PRCP: variants seen among roughly 807,000 people sequenced by gnomAD.
PRCP encodes the protein prolylcarboxypeptidase.
A neutral mutation model predicts 54.2 loss-of-function variants in PRCP; 46 were observed. The observed-to-expected ratio is 0.85, with a 90% CI of 0.67 to 1.09. The LOEUF is 1.09. Ranked by LOEUF, PRCP falls within the 50% of genes least tolerant of loss-of-function variation. The probability of loss-of-function intolerance (pLI) is 0.00; values close to 1 mark genes in which losing one functional copy is unlikely to be tolerated. For synonymous variants in PRCP, 240 were observed against 212.2 expected, an observed-to-expected ratio of 1.13 and a Z score of -1.14; for missense variants, 613 against 596.8, an observed-to-expected ratio of 1.03 and a Z score of -0.28.
At chr11:82,900,626 G>T (rs745939484), upstream of PRCP, 2 of 691,742 alleles carry the variant, frequency 2.9e-6, no homozygotes, top group Non-Finnish European at 5.3e-6. Flanking sequence ...CTTTCCTCTC[G>T]TGCCATCTGC....
intron 1 of PRCP, among the ~76,000 whole-genome samples, chr11:82,882,341 A>AAT (rs1442815170): frequency 6.6e-6 from 1 of 152,212 alleles, no homozygotes; most frequent in Admixed American, 6.5e-5. Context: ...AGTGTTATGT[A>AAT]ATAACATTAA....
upstream of PRCP, chr11:82,901,087 C>T (rs376753443): frequency 2.8e-6 from 1 of 362,882 alleles, no homozygotes; most frequent in Non-Finnish European, 5.4e-6. Flanking sequence ...CGTCGCAGAC[C>T]GCTGGGTCCA....
At chr11:82,839,579 C>G in intron 6 of PRCP, 154 bp from the exon 7 acceptor site, 1 of 799,066 alleles carries the variant, frequency 1.3e-6, no homozygotes. Flanking sequence ...GGTTTAATCC[C>G]CTCCATAAAT....
In PRCP at chr11:82,823,841, A is replaced by G. The variant is rs1236252864; in HGVS notation, c.*1065T>C. 3 of 152,226 alleles carry G rather than the reference A, an allele frequency of 2.0e-5. No individual in the cohort carries two copies. Among genetic ancestry groups the G allele is most frequent in the African/African-American group, 7.2e-5 (3 of 41,462 alleles). 9.4% of individuals were successfully genotyped at this position (152,226 alleles called of 1,614,324 possible). On this transcript the variant is annotated 3_prime_UTR_variant, in exon 9 of 9. Coordinates refer to ENST00000313010, the MANE Select transcript of PRCP (RefSeq NM_005040.4). Reference sequence around the variant, plus strand: ...CCTTGGAAATAGGAATGGCTTGGCCATTTATTAATGTCAAATATGCTGCCT... The same window carrying G: ...CCTTGGAAATAGGAATGGCTTGGCCGTTTATTAATGTCAAATATGCTGCCT...
intron 1 of PRCP, among the ~76,000 whole-genome samples, chr11:82,897,000 G>T (rs116010894): frequency 7.0e-4 from 106 of 152,220 alleles, no homozygotes; most frequent in African/African-American, 2.5e-3. Flanking sequence ...TGTGATTTGG[G>T]ACTCACATTC....
chr11:82,872,492 A>G (rs1468068546), intron 1 of PRCP, among the ~76,000 whole-genome samples: 1 of 152,218 alleles, frequency 6.6e-6, no homozygotes, highest in Non-Finnish European at 1.5e-5. Context: ...CACAGAGAGA[A>G]GAATGCCATG....
chr11:82,850,389 T>C lies in PRCP; in HGVS notation c.528A>G (p.Ile176Met). 4 of 1,601,362 alleles carry C rather than the reference T, an allele frequency of 2.5e-6. No homozygotes were observed. Among genetic ancestry groups the C allele is most frequent in the Non-Finnish European group, 3.4e-6 (4 of 1,173,134 alleles). The change falls in exon 4 of 9, where the codon ATA becomes ATG. Residue 176 changes from isoleucine to methionine, a missense_variant. Physicochemically the swap from Ile to Met is conservative, Grantham distance 10. Coordinates refer to ENST00000313010, the MANE Select transcript of PRCP (RefSeq NM_005040.4). Reference sequence around the variant, plus strand: ...CAAGCATGCCACCATAGGAGCCTCCTATGGCAATGACAGGTTGATTTTCAG... The same window carrying C: ...CAAGCATGCCACCATAGGAGCCTCCCATGGCAATGACAGGTTGATTTTCAG... ...PGAENQPVIA[I>M]GGSYGGMLAA... is the part of the protein sequence containing the mutation.
intron 1 of PRCP, among the ~76,000 whole-genome samples, chr11:82,863,444 C>G (rs913357301): frequency 6.6e-6 from 1 of 152,124 alleles, no homozygotes; most frequent in Non-Finnish European, 1.5e-5. Flanking sequence ...CAGGTTTCAA[C>G]AAGGGAGGAA....
At chr11:82,858,107 T>C (rs1859132008) in intron 2 of PRCP, among the ~76,000 whole-genome samples, 1 of 152,228 alleles carries the variant, frequency 6.6e-6, no homozygotes, top group Non-Finnish European at 1.5e-5. Flanking sequence ...ATAAGTGATG[T>C]ATTTCAGGAG....
chr11:82,888,435 A>T (rs1055056166), intron 1 of PRCP, among the ~76,000 whole-genome samples: 11 of 152,240 alleles, frequency 7.2e-5, no homozygotes, highest in African/African-American at 2.7e-4. Context: ...TCCACTTGCA[A>T]ATGAAAAACC....
At position 82,825,113 on chromosome 11, in the gene PRCP, T is replaced by C. The variant is rs1244177011; in HGVS notation, c.1284A>G (p.Glu428=). 3 of 1,613,476 alleles carry C rather than the reference T, an allele frequency of 1.9e-6. No individual in the cohort carries two copies. The highest frequency in any genetic ancestry group is 2.2e-5 in the South Asian group (2 of 90,960). ...CTCCACCTCCTGACCAGGGGTCTAG[T>C]TCACCATTGCTGCAAGTGAAAAAAA... is the stretch of plus-strand genomic sequence containing the variant. ...SHTNIVFSNG[E]LDPWSGGGVT... Residue 428 remains glutamate (E), a synonymous_variant, in exon 9 of 9, where the codon GAA becomes GAG. Coordinates refer to ENST00000313010, the MANE Select transcript of PRCP (RefSeq NM_005040.4).
At chr11:82,841,571 T>A (rs1286540553) in intron 6 of PRCP, among the ~76,000 whole-genome samples, 1 of 152,216 alleles carries the variant, frequency 6.6e-6, no homozygotes. Context: ...TTTTCAGAAC[T>A]GCTGAATGTG....
At position 82,823,995 on chromosome 11, in the gene PRCP, T is replaced by G. The variant is rs113221808; in HGVS notation, c.*911A>C. ...TATCAGAAAATAAAATTTTAAAAAT[T>G]TAAAAGCTGAATATTACTATATTCT... On this transcript the variant is annotated 3_prime_UTR_variant, in exon 9 of 9. Transcript: ENST00000313010. 6.6e-6 allele frequency: 1 copy of G among 152,220 alleles called. No individual in the cohort carries two copies. The highest frequency in any genetic ancestry group is 2.4e-5 in the African/African-American group (1 of 41,438). 9.4% of individuals were successfully genotyped at this position (152,220 alleles called of 1,614,324 possible). A position where few individuals can be genotyped will look rare whatever the true frequency, so the allele number is the denominator to read the frequency against.
chr11:82,900,116 C>A (rs1860227448), intron 1 of PRCP, 119 bp downstream of exon 1: 3 of 1,324,346 alleles, frequency 2.3e-6, no homozygotes, highest in African/African-American at 1.5e-5. Flanking sequence ...AGCCAAAAAC[C>A]GAACAGATCC....
At chr11:82,884,969 G>A in intron 1 of PRCP, 1 of 1,551,010 alleles carries the variant, frequency 6.4e-7, no homozygotes, top group Non-Finnish European at 8.7e-7. Context: ...AACAATATAT[G>A]CCATCAGTGC....
At chr11:82,849,820 T>C (rs1177244564) in intron 5 of PRCP, 94 bp downstream of exon 5, 1 of 1,153,546 alleles carries the variant, frequency 8.7e-7, no homozygotes, top group African/African-American at 1.6e-5. Context: ...CATTATACTT[T>C]AACAAAATGT....
intron 1 of PRCP, among the ~76,000 whole-genome samples, chr11:82,891,555 T>G (rs1860009688): frequency 6.6e-6 from 1 of 152,184 alleles, no homozygotes; most frequent in African/African-American, 2.4e-5. Context: ...CCCCGCATTA[T>G]CTGGCTCCCT....
Position 82,850,053 on chromosome 11 carries a change from G to A in PRCP, c.612C>T (p.Ala204=). Residue 204 remains alanine (A), a synonymous_variant, in exon 5 of 9, where the codon GCC becomes GCT. Coordinates refer to ENST00000313010, the MANE Select transcript of PRCP (RefSeq NM_005040.4). The part of the protein sequence containing the change: ...HMVVGALAAS[A]PIWQFEDLVP... ...CTAAATCCTCAAACTGCCAGATAGG[G>A]GCAGAAGCTGCAAGAGCTCTAAATG... The A allele has an allele frequency of 7.0e-7, 1 of 1,420,802 alleles. No homozygotes were observed. The highest frequency in any genetic ancestry group is 2.0e-5 in the South Asian group (1 of 50,800). 88.0% of individuals were successfully genotyped at this position (1,420,802 alleles called of 1,614,324 possible).
At chr11:82,862,054 C>G (rs910340591) in intron 1 of PRCP, among the ~76,000 whole-genome samples, 4 of 149,634 alleles carry the variant, frequency 2.7e-5, no homozygotes, top group Non-Finnish European at 5.9e-5. Flanking sequence ...AGTCAGTAAC[C>G]ATAATATGAC....
Sources: allele counts gnomAD v4.1 joint callset (sites outside exome capture counted in the v4.1 genomes callset), GRCh38; gene constraint gnomAD v4.1.1; transcripts MANE v1.5; gene names NCBI Gene and HGNC (gene_info 2026-07-23, HGNC 2026-07-21).